The following UGT2B28 variants were observed in gnomAD, a reference collection of about 807,000 sequenced individuals.
UGT2B28 encodes UDP glucuronosyltransferase family 2 member B28.
In UGT2B28, 45 loss-of-function variants were observed where a neutral mutation model predicts 43.6. The ratio of observed to expected loss-of-function variants is 1.03; its 90% CI spans 0.81 to 1.32. UGT2B28 has a LOEUF of 1.32. UGT2B28 is among the 40% of genes most tolerant of loss of function. The pLI is 0.00. For missense variants in UGT2B28, 649 were observed against 625.5 expected, an observed-to-expected ratio of 1.04 and a Z score of -0.40; for synonymous variants, 204 against 208.1, an observed-to-expected ratio of 0.98 and a Z score of 0.17.
At chr4:69,293,304 G>T (rs1577998295) in intron 5 of UGT2B28, among the ~76,000 whole-genome samples, 1 of 140,720 alleles carries the variant, frequency 7.1e-6, no homozygotes, top group South Asian at 2.4e-4. Flanking sequence ...GATTGTGATA[G>T]CCTATACCAC....
In UGT2B28 at chr4:69,288,151, C is replaced by CA. The variant is rs33966513; in HGVS notation, c.1002+1282dup. 2.2e-3 allele frequency among the ~76,000 whole-genome samples: 277 copies of CA among 124,160 alleles called. 47 individuals are homozygous for CA. Among genetic ancestry groups the CA allele is most frequent in the Middle Eastern group, 8.1e-3 (2 of 248 alleles). The allele number at this position is 124,160 out of a possible 152,430, so 81.5% of individuals were successfully genotyped here. ...TCCAACAGGCTCCTCATTTCTAGGC[C>CA]AAAAAAAAAAAAAATCCAAAATTAA... On this transcript the variant is annotated intron_variant, in intron 3 of 5. Transcript: ENST00000335568.
rs1723806430 is a variant in UGT2B28 at position 69,287,245 on chromosome 4, A to T, written c.1002+362A>T. Among the ~76,000 whole-genome samples the T allele has an allele frequency of 1.4e-5, 2 of 140,840 alleles. 1 individual carries two copies. Among genetic ancestry groups the T allele is most frequent in the Non-Finnish European group, 3.0e-5 (2 of 65,814 alleles). The allele number at this position is 140,840 out of a possible 152,430, so 92.4% of individuals were successfully genotyped here. A position where few individuals can be genotyped will look rare whatever the true frequency, so the allele number is the denominator to read the frequency against. On this transcript the variant is annotated intron_variant, in intron 3 of 5. Transcript: ENST00000335568. ...ACTCAATATATTTCAGGTAAGTGAA[A>T]ATGGTGCCTAATGTAGTCTTTAGAT...
rs1359194741 is a variant in UGT2B28 at position 69,294,989 on chromosome 4, G to A, written c.*180G>A. On this transcript the variant is annotated 3_prime_UTR_variant, in exon 6 of 6. Transcript: ENST00000335568. ...TCAGAGATTTACCACCCAGGTAATG[G>A]TTAGAAATATTCTGTGGCAATGAAG... 40 of 782,272 alleles carry A rather than the reference G, an allele frequency of 5.1e-5. 3 individuals are homozygous for A. Among genetic ancestry groups the A allele is most frequent in the Non-Finnish European group, 6.3e-5 (36 of 568,022 alleles). 48.5% of individuals were successfully genotyped at this position (782,272 alleles called of 1,614,324 possible).
intron 3 of UGT2B28, among the ~76,000 whole-genome samples, chr4:69,289,062 G>A (rs969140300): frequency 2.2e-5 from 3 of 138,972 alleles, no homozygotes; most frequent in African/African-American, 8.5e-5. Context: ...TATTTTCATG[G>A]ATCTTCATAA....
At chr4:69,281,842 A>G (rs1723620184) in intron 1 of UGT2B28, among the ~76,000 whole-genome samples, 1 of 140,956 alleles carries the variant, frequency 7.1e-6, no homozygotes, top group Admixed American at 7.1e-5. Context: ...AGGTTGTTAT[A>G]TCTATATAGT....
rs754251721 is a variant in UGT2B28 at position 69,281,215 on chromosome 4, G to T, written c.715G>T (p.Val239Phe). The part of the protein sequence containing the change: ...MKKWDQFYSE[V>F]LGRPTTLFET... ...GAAGTGGGATCAGTTTTACAGTGAA[G>T]TTTTAGGTAAGAATTTGTTTAATCG... Residue 239 changes from valine (V) to phenylalanine (F), a missense_variant, in exon 1 of 6, where the codon GTT (valine) becomes TTT (phenylalanine). Coordinates refer to ENST00000335568, the MANE Select transcript of UGT2B28 (RefSeq NM_053039.2). The T allele has an allele frequency of 6.7e-7, 1 of 1,499,982 alleles. No homozygotes were observed. The highest frequency in any genetic ancestry group is 2.3e-5 in the East Asian group (1 of 43,076). 92.9% of individuals were successfully genotyped at this position (1,499,982 alleles called of 1,614,324 possible).
Position 69,282,555 on chromosome 4 carries a change from A to C in UGT2B28, c.763A>C (p.Ile255Leu), listed in dbSNP as rs774389492. The C allele has an allele frequency of 6.4e-7, 1 of 1,553,566 alleles. No homozygotes were observed. The highest frequency in any genetic ancestry group is 8.7e-7 in the Non-Finnish European group (1 of 1,153,256). Residue 255 changes from isoleucine (I) to leucine (L), a missense_variant, in exon 2 of 6, where the codon ATA (isoleucine) becomes CTA (leucine). Transcript: ENST00000335568. The part of the protein sequence containing the change: ...TLFETMGKAD[I>L]WLMRNSWSFQ... ...ATTTGAGACAATGGGGAAAGCTGAC[A>C]TATGGCTTATGCGAAACTCCTGGAG... is the stretch of plus-strand genomic sequence containing the variant.
At chr4:69,288,011 T>A (rs1274621668) in intron 3 of UGT2B28, among the ~76,000 whole-genome samples, 2 of 140,358 alleles carry the variant, frequency 1.4e-5, no homozygotes, top group Non-Finnish European at 3.0e-5. Flanking sequence ...GCAGAACATA[T>A]TAATCACTGT....
At chr4:69,282,755 G>A (rs1051400996) in intron 2 of UGT2B28, 93 bp downstream of exon 2, 1 of 1,465,404 alleles carries the variant, frequency 6.8e-7, no homozygotes, top group Non-Finnish European at 9.0e-7. Flanking sequence ...GACTTACACT[G>A]AAAGAAAGAT....
In UGT2B28 at chr4:69,281,878, T is replaced by G. The variant is rs1188468764; in HGVS notation, c.722-636T>G. 1.4e-5 allele frequency among the ~76,000 whole-genome samples: 2 copies of G among 140,808 alleles called. 1 individual carries two copies. The highest frequency in any genetic ancestry group is 5.5e-5 in the African/African-American group (2 of 36,212). The allele number at this position is 140,808 out of a possible 152,430, so 92.4% of individuals were successfully genotyped here. A position where few individuals can be genotyped will look rare whatever the true frequency, so the allele number is the denominator to read the frequency against. ...TTATTTGAAACTATGTCTCTTTATT[T>G]AAAAATATGAGACAGATTAAGGTTG... On this transcript the variant is annotated intron_variant, in intron 1 of 5. Coordinates refer to ENST00000335568, the MANE Select transcript of UGT2B28 (RefSeq NM_053039.2).
Position 69,281,028 on chromosome 4 carries a change from T to A in UGT2B28, c.528T>A (p.Pro176=). 7.1e-6 allele frequency: 11 copies of A among 1,559,896 alleles called. 2 individuals are homozygous for A. The highest frequency in any genetic ancestry group is 9.5e-6 in the Non-Finnish European group (11 of 1,155,474). Residue 176 remains proline, a synonymous_variant, in exon 1 of 6, where the codon CCT becomes CCA. Coordinates refer to ENST00000335568, the MANE Select transcript of UGT2B28 (RefSeq NM_053039.2). ...IPFVYSLCFT[P]GYTIERHSGG... Reference sequence around the variant, plus strand: ...TTGTGTACAGTCTCTGCTTCACTCCTGGCTACACAATTGAAAGGCACAGTG... The same window carrying A: ...TTGTGTACAGTCTCTGCTTCACTCCAGGCTACACAATTGAAAGGCACAGTG...
In UGT2B28 at chr4:69,280,890, A is replaced by G. The variant is rs771365917; in HGVS notation, c.390A>G (p.Val130=). 1 of 1,557,714 alleles carries G rather than the reference A, an allele frequency of 6.4e-7. No homozygotes were observed. Among genetic ancestry groups the G allele is most frequent in the Non-Finnish European group, 8.7e-7 (1 of 1,155,142 alleles). ...HDIFRNFCKD[V]VSNKKVMKKL... is the part of the protein sequence containing the mutation. ...TATTTAGAAACTTCTGTAAAGATGTAGTTTCAAATAAGAAAGTTATGAAAA... is the reference window on the plus strand; with the variant it reads ...TATTTAGAAACTTCTGTAAAGATGTGGTTTCAAATAAGAAAGTTATGAAAA... The change falls in exon 1 of 6, where the codon GTA becomes GTG. Residue 130 remains valine (V), a synonymous_variant. Transcript: ENST00000335568.
Position 69,280,868 on chromosome 4 carries a change from T to A in UGT2B28, c.368T>A (p.Phe123Tyr). ...QEILWEFHDI[F>Y]RNFCKDVVSN... ...ATCCTGTGGGAATTTCATGACATAT[T>A]TAGAAACTTCTGTAAAGATGTAGTT... The change falls in exon 1 of 6, where the codon TTT becomes TAT. Residue 123 changes from phenylalanine (F) to tyrosine (Y), a missense_variant. Coordinates refer to ENST00000335568, the MANE Select transcript of UGT2B28 (RefSeq NM_053039.2). 2 of 1,558,810 alleles carry A rather than the reference T, an allele frequency of 1.3e-6. No homozygotes were observed. The highest frequency in any genetic ancestry group is 1.7e-6 in the Non-Finnish European group (2 of 1,155,396).
rs1166257840 is a variant in UGT2B28, at chr4:69,284,760, T to C, written c.871-1992T>C. 1.4e-5 allele frequency among the ~76,000 whole-genome samples: 2 copies of C among 141,184 alleles called. 1 individual carries two copies. Among genetic ancestry groups the C allele is most frequent in the African/African-American group, 5.5e-5 (2 of 36,290 alleles). The allele number at this position is 141,184 out of a possible 152,430, so 92.6% of individuals were successfully genotyped here. ...GTGAAACCAGTTATTTAACTGTTTA[T>C]TATGTAAAATAACTGCTAACACAGG... is the stretch of plus-strand genomic sequence containing the variant. On this transcript the variant is annotated intron_variant, in intron 2 of 5. Transcript: ENST00000335568.
intron 2 of UGT2B28, among the ~76,000 whole-genome samples, chr4:69,284,732 G>C (rs1348016495): frequency 7.1e-6 from 1 of 140,562 alleles, no homozygotes; most frequent in Non-Finnish European, 1.5e-5. Flanking sequence ...CAAGTCAATG[G>C]TTGTGAAACC....
At chr4:69,285,651 T>C (rs1206232545) in intron 2 of UGT2B28, among the ~76,000 whole-genome samples, 1 of 141,460 alleles carries the variant, frequency 7.1e-6, no homozygotes. Context: ...TTTAGACATT[T>C]TTTTCTTTGT....
chr4:69,287,077 T>A lies in UGT2B28; in HGVS notation c.1002+194T>A, dbSNP rs551611980. ...TAGTGGTTACATGTGGCCCTGGGGG[T>A]GTTACTACCCTTGGTATGCATGAGT... On this transcript the variant is annotated intron_variant, in intron 3 of 5. Coordinates refer to ENST00000335568, the MANE Select transcript of UGT2B28 (RefSeq NM_053039.2). Among the ~76,000 whole-genome samples the A allele has an allele frequency of 2.0e-3, 270 of 137,362 alleles. 31 individuals are homozygous for A. The Middle Eastern group carries it at 0.026, about 13-fold the overall frequency. The allele number at this position is 137,362 out of a possible 152,430, so 90.1% of individuals were successfully genotyped here.
chr4:69,292,091 T>C (rs192771601), intron 5 of UGT2B28, among the ~76,000 whole-genome samples: 1 of 141,116 alleles, frequency 7.1e-6, no homozygotes, highest in Non-Finnish European at 1.5e-5. Context: ...TTTTAAGAAC[T>C]ACTTATATAT....
chr4:69,289,670 G>T lies in UGT2B28; in HGVS notation c.1008G>T (p.Leu336=), dbSNP rs140828786. 474 of 1,552,988 alleles carry T rather than the reference G, an allele frequency of 3.1e-4. 48 individuals carry two copies. In the Middle Eastern group the frequency reaches 0.014, roughly 45 times the overall value. Reference sequence around the variant, plus strand: ...TATTCTCTTTACTGTAACAGGTTCTGTGGAGATTTGATGGGAATAAACCAG... The same window carrying T: ...TATTCTCTTTACTGTAACAGGTTCTTTGGAGATTTGATGGGAATAAACCAG... The part of the protein sequence containing the change: ...TALAKIPQKV[L]WRFDGNKPDA... The change falls in exon 4 of 6, where the codon CTG becomes CTT. Residue 336 remains leucine, a synonymous_variant. Coordinates refer to ENST00000335568, the MANE Select transcript of UGT2B28 (RefSeq NM_053039.2).
Sources: gnomAD v4.1 joint callset for allele counts (sites outside exome capture counted in the v4.1 genomes callset) on GRCh38, gnomAD v4.1.1 for gene constraint, MANE v1.5 for transcripts, NCBI Gene and HGNC (gene_info 2026-07-23, HGNC 2026-07-21) for gene names.